Variants in COX7A2 observed in about 807,000 individuals in gnomAD.
The protein encoded by COX7A2 is cytochrome c oxidase subunit 7A2, mitochondrial.
A neutral mutation model predicts 11.6 loss-of-function variants in COX7A2; 11 were observed. That is an observed-to-expected ratio of 0.95 (90% CI 0.60 to 1.57). COX7A2 has a LOEUF of 1.57. COX7A2 is among the 40% of genes most tolerant of loss of function. The pLI is 0.00. For synonymous variants in COX7A2, 30 were observed against 38.2 expected, an observed-to-expected ratio of 0.78 and a Z score of 0.79; for missense variants, 106 against 100.9, an observed-to-expected ratio of 1.05 and a Z score of -0.22.
chr6:75,238,134 A>T (rs1006474817), intron 3 of COX7A2, 146 bp from the exon 4 acceptor site: 6 of 414,886 alleles, frequency 1.4e-5, no homozygotes, highest in East Asian at 1.0e-4. Context: ...TGCTGGAAAA[A>T]TTTTAAATAA....
upstream of COX7A2, among the ~76,000 whole-genome samples, chr6:75,247,615 A>C (rs577349919): frequency 3.1e-4 from 47 of 152,078 alleles, no homozygotes; most frequent in Non-Finnish European, 6.0e-4. Context: ...CTAACTCCTA[A>C]TGATCTTTTT....
Position 75,237,860 on chromosome 6 carries a change from T to C in COX7A2, c.*70A>G. ...ATTGATCCCCAAAGAAGAGCTCGGT[T>C]ATTTATCAGATTACTGGTCCATAGA... is the stretch of plus-strand genomic sequence containing the variant. On this transcript the variant is annotated 3_prime_UTR_variant, in exon 4 of 4. Coordinates refer to ENST00000684430, the MANE Select transcript of COX7A2 (RefSeq NM_001366293.2). 1 of 1,195,418 alleles carries C rather than the reference T, an allele frequency of 8.4e-7. No individual in the cohort carries two copies. The highest frequency in any genetic ancestry group is 1.2e-6 in the Non-Finnish European group (1 of 816,164). 74.1% of individuals were successfully genotyped at this position (1,195,418 alleles called of 1,614,324 possible).
intron 1 of COX7A2, among the ~76,000 whole-genome samples, chr6:75,248,853 T>A (rs117231557): frequency 1.3e-5 from 2 of 152,206 alleles, no homozygotes; most frequent in East Asian, 3.8e-4. Context: ...AGGAATATCA[T>A]ACATAACAGT....
upstream of COX7A2, among the ~76,000 whole-genome samples, chr6:75,248,658 T>A (rs973613924): frequency 6.6e-6 from 1 of 152,244 alleles, no homozygotes; most frequent in Admixed American, 6.5e-5. Flanking sequence ...GTGTCACTCA[T>A]ATTTGGCTCA....
chr6:75,241,026 C>CT, intron 2 of COX7A2, 150 bp downstream of exon 2: 2 of 955,988 alleles, frequency 2.1e-6, no homozygotes, highest in Admixed American at 5.0e-5. Context: ...GAGACAACCA[C>CT]TATTAGCACT....
At chr6:75,244,279 G>A (rs970498603), upstream of COX7A2, among the ~76,000 whole-genome samples, 5 of 152,180 alleles carry the variant, frequency 3.3e-5, no homozygotes, top group East Asian at 9.6e-4. Context: ...TGTTCCTTGT[G>A]TTGAGAATAT....
At chr6:75,238,024 A>T in intron 3 of COX7A2, 36 bp from the exon 4 acceptor site, 1 of 1,400,610 alleles carries the variant, frequency 7.1e-7, no homozygotes, top group Non-Finnish European at 9.7e-7. Flanking sequence ...TTAACCATAA[A>T]TTCTAAGATC....
At chr6:75,238,349 C>T (rs1306359559) in intron 3 of COX7A2, among the ~76,000 whole-genome samples, 1 of 151,096 alleles carries the variant, frequency 6.6e-6, no homozygotes, top group Non-Finnish European at 1.5e-5. Context: ...GCAAGCCTTC[C>T]CTAAAGTGAA....
At chr6:75,240,472 T>C in intron 2 of COX7A2, 87 bp from the exon 3 acceptor site, 1 of 819,408 alleles carries the variant, frequency 1.2e-6, no homozygotes, top group Non-Finnish European at 1.9e-6. Context: ...TATAAAATGA[T>C]ATAGCTCCTT....
intron 1 of COX7A2, among the ~76,000 whole-genome samples, chr6:75,243,431 T>C (rs1771583965): frequency 6.6e-6 from 1 of 152,140 alleles, no homozygotes; most frequent in African/African-American, 2.4e-5. Flanking sequence ...ACCTCATCAA[T>C]GACCGACAGG....
At chr6:75,241,575 T>C (rs1026059590) in intron 1 of COX7A2, among the ~76,000 whole-genome samples, 6 of 152,192 alleles carry the variant, frequency 3.9e-5, no homozygotes, top group African/African-American at 1.2e-4. Context: ...TGCAAACATA[T>C]TGACATACAC....
chr6:75,243,881 T>A, upstream of COX7A2: 4 of 1,548,640 alleles, frequency 2.6e-6, no homozygotes, highest in South Asian at 2.2e-5. Flanking sequence ...CTCCTAACCA[T>A]AGAGAGCAAA....
intron 3 of COX7A2, among the ~76,000 whole-genome samples, chr6:75,239,241 G>C (rs551612204): frequency 3.5e-4 from 54 of 152,340 alleles, no homozygotes; most frequent in African/African-American, 1.3e-3. Context: ...GGAGGGGACA[G>C]TCTTGTGCCA....
chr6:75,240,123 A>C (rs1771445996), intron 3 of COX7A2, among the ~76,000 whole-genome samples, 178 bp downstream of exon 3: 1 of 152,118 alleles, frequency 6.6e-6, no homozygotes, highest in African/African-American at 2.4e-5. Context: ...AAGACATCAC[A>C]ATGCTCTTAT....
chr6:75,250,191 A>G (rs1771759021), exon 1 of COX7A2: 1 of 152,220 alleles, frequency 6.6e-6, no homozygotes, highest in Non-Finnish European at 1.5e-5. Flanking sequence ...TTACTAACTT[A>G]GGTTAATTCA....
At chr6:75,246,487 G>C (rs1771684584), upstream of COX7A2, among the ~76,000 whole-genome samples, 1 of 152,034 alleles carries the variant, frequency 6.6e-6, no homozygotes, top group African/African-American at 2.4e-5. Flanking sequence ...CTTTTTAACG[G>C]GTTTCCCTGT....
chr6:75,240,185 C>G, intron 3 of COX7A2, 116 bp downstream of exon 3: 1 of 738,774 alleles, frequency 1.4e-6, no homozygotes. Context: ...AGTAAGATAT[C>G]AAATTCTGGA....
intron 1 of COX7A2, among the ~76,000 whole-genome samples, chr6:75,242,874 C>CA (rs1397552872): frequency 4.6e-4 from 70 of 151,504 alleles, no homozygotes; most frequent in African/African-American, 7.5e-4. Context: ...ACAACAACAA[C>CA]AAAAAAAACC....
upstream of COX7A2, among the ~76,000 whole-genome samples, chr6:75,246,317 A>G (rs1302183395): frequency 6.6e-6 from 1 of 152,088 alleles, no homozygotes; most frequent in Non-Finnish European, 1.5e-5. Flanking sequence ...CAAGCCTTAA[A>G]CTTTGTTTTC....
Sources: gnomAD v4.1 joint callset for allele counts (sites outside exome capture counted in the v4.1 genomes callset) on GRCh38, gnomAD v4.1.1 for gene constraint, MANE v1.5 for transcripts, NCBI Gene and HGNC (gene_info 2026-07-23, HGNC 2026-07-21) for gene names.